GRIK4: variants seen among roughly 807,000 people sequenced by gnomAD.
GRIK4 encodes the protein glutamate receptor ionotropic, kainate 4.
In GRIK4, 40 loss-of-function variants were observed where a neutral mutation model predicts 104.9. That is an observed-to-expected ratio of 0.38 (90% confidence interval 0.30 to 0.50). GRIK4 has a LOEUF of 0.50. Ranked by LOEUF, GRIK4 falls within the 20% of genes least tolerant of loss-of-function variation. The probability of loss-of-function intolerance (pLI) is 0.93; values close to 1 mark genes in which losing one functional copy is unlikely to be tolerated. For synonymous variants in GRIK4, 485 were observed against 524.9 expected (o/e 0.92, Z 1.04); for missense variants, 1,047 against 1,308.1 (o/e 0.80, Z 3.08).
chr11:120,605,251 G>A (rs971312036), intron 1 of GRIK4, among the ~76,000 whole-genome samples: 2 of 152,182 alleles, frequency 1.3e-5, no homozygotes, highest in Non-Finnish European at 2.9e-5. Context: ...ATATCAAAAC[G>A]AGTATTTGAG....
At chr11:120,831,756 T>TA in intron 6 of GRIK4, 96 bp from the exon 7 acceptor site, 2 of 909,008 alleles carry the variant, frequency 2.2e-6, no homozygotes, top group Non-Finnish European at 1.7e-6. Context: ...CCGACCCCAC[T>TA]TCCAGCCCAC....
At position 120,709,034 on chromosome 11, in the gene GRIK4, A is replaced by G. The variant is rs1049493862; in HGVS notation, c.82+48634A>G. ...AACTGTATGGATGTGAGATGTATAAATAGCCCTCAGGAGAACCTGCCAGGT... is the reference window on the plus strand; with the variant it reads ...AACTGTATGGATGTGAGATGTATAAGTAGCCCTCAGGAGAACCTGCCAGGT... On this transcript the variant is annotated intron_variant, in intron 3 of 20. Transcript: ENST00000527524. Among the ~76,000 whole-genome samples, 4 of 152,262 alleles carry G rather than the reference A, an allele frequency of 2.6e-5. No homozygotes were observed. The East Asian group carries it at 7.7e-4, about 29-fold the overall frequency.
chr11:120,812,556 T>A (rs1286237712), intron 4 of GRIK4, among the ~76,000 whole-genome samples: 1 of 152,228 alleles, frequency 6.6e-6, no homozygotes. Flanking sequence ...AAGTATTAAT[T>A]CACTTTAATT....
chr11:120,533,120 G>A (rs1001248104), intron 1 of GRIK4, among the ~76,000 whole-genome samples: 5 of 152,136 alleles, frequency 3.3e-5, no homozygotes, highest in Non-Finnish European at 7.4e-5. Flanking sequence ...TCCTGGAGGA[G>A]GAGTAACCTG....
At chr11:120,726,016 G>A (rs980950351) in intron 3 of GRIK4, among the ~76,000 whole-genome samples, 8 of 152,186 alleles carry the variant, frequency 5.3e-5, no homozygotes, top group Non-Finnish European at 7.3e-5. Flanking sequence ...ATTCAGGAAG[G>A]CTTCTCTGAG....
chr11:120,841,176 C>T (rs1953704788), intron 8 of GRIK4, among the ~76,000 whole-genome samples: 1 of 152,054 alleles, frequency 6.6e-6, no homozygotes, highest in Non-Finnish European at 1.5e-5. Context: ...GAAGTACATC[C>T]ACATTGTTAT....
At position 120,641,895 on chromosome 11, in the gene GRIK4, A is replaced by C. The variant is rs374245827; in HGVS notation, c.-158-11790A>C. 5.9e-5 allele frequency among the ~76,000 whole-genome samples: 9 copies of C among 152,266 alleles called. No individual in the cohort carries two copies. In the East Asian group the frequency reaches 1.4e-3, roughly 23 times the overall value. The stretch of plus-strand genomic sequence containing the variant: ...AAGATGCAGTTGCTCTGTTTCAAAC[A>C]CTTCTGACGCTTTGGCTGATTCCAA... On this transcript the variant is annotated intron_variant, in intron 1 of 20. Transcript: ENST00000527524.
intron 3 of GRIK4, among the ~76,000 whole-genome samples, chr11:120,722,733 G>A (rs1950956904): frequency 6.6e-6 from 1 of 152,210 alleles, no homozygotes; most frequent in Admixed American, 6.5e-5. Context: ...GGCAACACCA[G>A]CAGGCCCCCT....
At chr11:120,529,435 C>T (rs910728476) in intron 1 of GRIK4, among the ~76,000 whole-genome samples, 3 of 152,210 alleles carry the variant, frequency 2.0e-5, no homozygotes, top group Non-Finnish European at 4.4e-5. Context: ...GTCTGAGCCC[C>T]TAGCAGTTAC....
At position 120,969,314 on chromosome 11, in the gene GRIK4, T is replaced by C. The variant is rs543120145; in HGVS notation, c.2395+1991T>C. On this transcript the variant is annotated intron_variant, in intron 19 of 20. Coordinates refer to ENST00000527524, the MANE Select transcript of GRIK4 (RefSeq NM_014619.5). The stretch of plus-strand genomic sequence containing the variant: ...AAAAGTGTCAAGGCACTTTTGTGGA[T>C]TGGATAGAATGAACTGGATTTTGAA... Among the ~76,000 whole-genome samples, 41 of 151,920 alleles carry C rather than the reference T, an allele frequency of 2.7e-4. 1 individual carries two copies. The highest frequency in any genetic ancestry group is 9.7e-4 in the African/African-American group (40 of 41,424).
At chr11:120,572,692 A>G (rs1948416813) in intron 1 of GRIK4, among the ~76,000 whole-genome samples, 1 of 152,230 alleles carries the variant, frequency 6.6e-6, no homozygotes, top group African/African-American at 2.4e-5. Flanking sequence ...CATAAATAAA[A>G]TCCACTGATA....
chr11:120,569,240 C>G (rs1948368264), intron 1 of GRIK4, among the ~76,000 whole-genome samples: 1 of 152,224 alleles, frequency 6.6e-6, no homozygotes. Context: ...TGGGAAAGGG[C>G]TACTTGCAAT....
At chr11:120,618,682 G>A (rs765468886) in intron 1 of GRIK4, among the ~76,000 whole-genome samples, 3 of 152,220 alleles carry the variant, frequency 2.0e-5, no homozygotes, top group Non-Finnish European at 4.4e-5. Flanking sequence ...TCCAGCTCCA[G>A]CCGAGGCTCA....
intron 4 of GRIK4, among the ~76,000 whole-genome samples, chr11:120,805,822 T>C (rs1952700012): frequency 6.6e-6 from 1 of 151,988 alleles, no homozygotes; most frequent in African/African-American, 2.4e-5. Flanking sequence ...GCAGTGACTA[T>C]ATTTGGGGAA....
At chr11:120,873,015 C>T (rs1954656614) in intron 9 of GRIK4, 1 of 152,394 alleles carries the variant, frequency 6.6e-6, no homozygotes, top group Admixed American at 6.5e-5. Context: ...CGACAGGCCC[C>T]ATGACAGATG....
At chr11:120,661,961 T>G (rs2032643190) in intron 3 of GRIK4, among the ~76,000 whole-genome samples, 1 of 152,238 alleles carries the variant, frequency 6.6e-6, no homozygotes, top group South Asian at 2.1e-4. Context: ...GATGTTTAAT[T>G]TATAAGATGC....
At chr11:120,558,017 C>CA (rs59960959) in intron 1 of GRIK4, among the ~76,000 whole-genome samples, 1,750 of 38,668 alleles carry the variant, frequency 0.045, 49 homozygotes, top group Non-Finnish European at 0.072. Context: ...GACTCCGTCT[C>CA]AAAAAAAAAA....
intron 11 of GRIK4, among the ~76,000 whole-genome samples, chr11:120,891,330 A>G (rs1039914358): frequency 5.9e-5 from 9 of 152,216 alleles, no homozygotes; most frequent in African/African-American, 1.9e-4. Flanking sequence ...GCACTGTGCT[A>G]TGCCCGTTCC....
rs1160215357 is a variant in GRIK4 at position 120,767,747 on chromosome 11, A to G, written c.83-34946A>G. Among the ~76,000 whole-genome samples, 4 of 152,116 alleles carry G rather than the reference A, an allele frequency of 2.6e-5. No individual in the cohort carries two copies. In the South Asian group the frequency reaches 6.2e-4, roughly 24 times the overall value. Reference sequence around the variant, plus strand: ...GTGTGTGGTGTAAGATAAGGGTCCAATTTCATTCATTTGCATGTGGAAATC... The same window carrying G: ...GTGTGTGGTGTAAGATAAGGGTCCAGTTTCATTCATTTGCATGTGGAAATC... On this transcript the variant is annotated intron_variant, in intron 3 of 20. Coordinates refer to ENST00000527524, the MANE Select transcript of GRIK4 (RefSeq NM_014619.5).
Sources: gnomAD v4.1 joint callset for allele counts (sites outside exome capture counted in the v4.1 genomes callset) on GRCh38, gnomAD v4.1.1 for gene constraint, MANE v1.5 for transcripts, NCBI Gene and HGNC (gene_info 2026-07-23, HGNC 2026-07-21) for gene names.